EDARADD: variants seen among roughly 807,000 people sequenced by gnomAD.
The protein encoded by EDARADD is EDAR associated via death domain, also known as ectodysplasin-A receptor-associated adapter protein.
In EDARADD, 20 loss-of-function variants were observed where a neutral mutation model predicts 25.6. The observed-to-expected ratio is 0.78, with a 90% confidence interval of 0.55 to 1.14. The LOEUF (loss-of-function observed/expected upper bound fraction) is 1.14. EDARADD is among the 50% of genes most tolerant of loss of function. EDARADD has a pLI of 0.00. For missense variants in EDARADD, 225 were observed against 270.1 expected, an observed-to-expected ratio of 0.83 and a Z score of 1.17; for synonymous variants, 86 against 94.4, an observed-to-expected ratio of 0.91 and a Z score of 0.52.
chr1:236,428,152 A>T (rs1163407372), intron 4 of EDARADD, among the ~76,000 whole-genome samples: 2 of 151,868 alleles, frequency 1.3e-5, no homozygotes, highest in African/African-American at 4.8e-5. Flanking sequence ...TGGGTACTTG[A>T]GATTAGGGAG....
At chr1:236,391,720 A>C (rs1452748231), upstream of EDARADD, among the ~76,000 whole-genome samples, 3 of 152,192 alleles carry the variant, frequency 2.0e-5, no homozygotes, top group African/African-American at 4.8e-5. Context: ...ATAAGCAAAA[A>C]CATGTATTCT....
intron 1 of EDARADD, among the ~76,000 whole-genome samples, chr1:236,405,925 C>CTT (rs5781879): frequency 0.06 from 2,698 of 45,214 alleles, 208 homozygotes; most frequent in African/African-American, 0.093. Flanking sequence ...TTCTTTCTTT[C>CTT]TCTTTCCTTT....
At chr1:236,369,252 TTGAC>T (rs1490864339) in intron 3 of EDARADD, among the ~76,000 whole-genome samples, 1 of 152,266 alleles carries the variant, frequency 6.6e-6, no homozygotes, top group Non-Finnish European at 1.5e-5. Flanking sequence ...TGCTGGGACT[TTGAC>T]TGAAGTTGCA....
At chr1:236,351,336 G>A (rs142147991) in intron 3 of EDARADD, among the ~76,000 whole-genome samples, 10 of 152,096 alleles carry the variant, frequency 6.6e-5, no homozygotes, top group African/African-American at 2.2e-4. Context: ...TGTTGATACC[G>A]GTGGGCCAGA....
At chr1:236,427,146 T>TA (rs1288867197) in intron 3 of EDARADD, among the ~76,000 whole-genome samples, 2 of 152,134 alleles carry the variant, frequency 1.3e-5, no homozygotes, top group Non-Finnish European at 2.9e-5. Context: ...TCTCTTATTT[T>TA]AAAAAAATAA....
intron 4 of EDARADD, among the ~76,000 whole-genome samples, chr1:236,441,605 C>T (rs1658405518): frequency 6.6e-6 from 1 of 150,968 alleles, no homozygotes; most frequent in South Asian, 2.1e-4. Flanking sequence ...CTCACTGCAA[C>T]CTCCACCTCC....
chr1:236,429,163 C>T (rs1232567317), intron 4 of EDARADD, among the ~76,000 whole-genome samples: 3 of 146,648 alleles, frequency 2.0e-5, no homozygotes, highest in Non-Finnish European at 3.0e-5. Context: ...AGCCTCGGCT[C>T]GGCATCAGAG....
chr1:236,414,358 C>A, intron 3 of EDARADD, 59 bp downstream of exon 3: 1 of 1,350,916 alleles, frequency 7.4e-7, no homozygotes, highest in Non-Finnish European at 1.1e-6. Context: ...GTGAACAAAG[C>A]ACTAGTCGAC....
intron 4 of EDARADD, among the ~76,000 whole-genome samples, chr1:236,435,332 T>C (rs1225469925): frequency 6.6e-6 from 1 of 152,246 alleles, no homozygotes; most frequent in Non-Finnish European, 1.5e-5. Flanking sequence ...CATAGTCACA[T>C]GTTTGCTGAC....
At chr1:236,373,085 T>C (rs1303631475) in intron 3 of EDARADD, among the ~76,000 whole-genome samples, 1 of 151,060 alleles carries the variant, frequency 6.6e-6, no homozygotes, top group Non-Finnish European at 1.5e-5. Context: ...CTGGCTAATT[T>C]TTTGTATTTT....
intron 3 of EDARADD, among the ~76,000 whole-genome samples, chr1:236,365,893 T>C (rs1667108210): frequency 6.6e-6 from 1 of 152,224 alleles, no homozygotes; most frequent in Admixed American, 6.5e-5. Flanking sequence ...CAATGTTTAA[T>C]CTGCCTTTAA....
At chr1:236,426,302 T>G (rs1657917537) in intron 3 of EDARADD, among the ~76,000 whole-genome samples, 1 of 152,160 alleles carries the variant, frequency 6.6e-6, no homozygotes, top group South Asian at 2.1e-4. Context: ...TTTGATCACC[T>G]TCTCCTCACC....
chr1:236,355,074 C>G (rs1459723416), intron 3 of EDARADD, among the ~76,000 whole-genome samples: 4 of 152,312 alleles, frequency 2.6e-5, no homozygotes, highest in African/African-American at 4.8e-5. Flanking sequence ...AAACCGATAT[C>G]ACAAAGCTCT....
intron 3 of EDARADD, among the ~76,000 whole-genome samples, chr1:236,371,512 A>T (rs1215850781): frequency 6.6e-6 from 1 of 151,948 alleles, no homozygotes; most frequent in Non-Finnish European, 1.5e-5. Context: ...TATTGATCGT[A>T]TCAGAAAACT....
intron 2 of EDARADD, among the ~76,000 whole-genome samples, chr1:236,349,159 G>T (rs962002651): frequency 2.0e-5 from 3 of 147,698 alleles, no homozygotes; most frequent in African/African-American, 7.6e-5. Context: ...GGGACTACAG[G>T]CAGGCACCAT....
chr1:236,391,775 T>TGG (rs1335463985), upstream of EDARADD, among the ~76,000 whole-genome samples: 2 of 152,228 alleles, frequency 1.3e-5, no homozygotes, highest in Non-Finnish European at 2.9e-5. Flanking sequence ...GTTTCCCCCA[T>TGG]TTAAAACAGC....
intron 3 of EDARADD, among the ~76,000 whole-genome samples, chr1:236,418,787 T>C (rs1364227157): frequency 6.6e-6 from 1 of 152,142 alleles, no homozygotes; most frequent in Non-Finnish European, 1.5e-5. Context: ...ACCTCACGGA[T>C]TGATAATGAT....
At chr1:236,474,290 T>C (rs1291845628) in intron 5 of EDARADD, among the ~76,000 whole-genome samples, 3 of 152,198 alleles carry the variant, frequency 2.0e-5, no homozygotes, top group African/African-American at 4.8e-5. Context: ...ATAAGAAACC[T>C]GGCCCTTCTT....
chr1:236,468,123 A>AC, intron 4 of EDARADD, 108 bp from the exon 5 acceptor site: 1 of 1,096,760 alleles, frequency 9.1e-7, no homozygotes. Flanking sequence ...CCCTCCACCC[A>AC]CCCCAGCCCC....
Sources: allele counts gnomAD v4.1 joint callset (sites outside exome capture counted in the v4.1 genomes callset), GRCh38; gene constraint gnomAD v4.1.1; transcripts MANE v1.5; gene names NCBI Gene and HGNC (gene_info 2026-07-23, HGNC 2026-07-21).